ZNFX1: variants seen among roughly 807,000 people sequenced by gnomAD.
ZNFX1 encodes the protein zinc finger NFX1-type containing 1.
ZNFX1 carries 78 observed loss-of-function variants against 179.8 expected under a neutral mutation model. That is an observed-to-expected ratio of 0.43 (90% CI 0.36 to 0.52). The LOEUF is 0.52. ZNFX1 is among the 20% of genes least tolerant of loss of function. The pLI is 0.00. For missense variants in ZNFX1, 1,927 were observed against 2,386.6 expected, an observed-to-expected ratio of 0.81 and a Z score of 4.01; for synonymous variants, 848 against 868.5, an observed-to-expected ratio of 0.98 and a Z score of 0.42.
At chr20:49,266,670 C>A (rs954498458) in intron 3 of ZNFX1, among the ~76,000 whole-genome samples, 2 of 101,984 alleles carry the variant, frequency 2.0e-5, no homozygotes, top group African/African-American at 6.5e-5. Flanking sequence ...TCCCCCCCAC[C>A]CCCCCCTTTC....
chr20:49,263,103 A>C (rs1981153573), intron 6 of ZNFX1, among the ~76,000 whole-genome samples: 1 of 152,222 alleles, frequency 6.6e-6, no homozygotes, highest in African/African-American at 2.4e-5. Context: ...ACAGCCACAG[A>C]AAATTAAGTA....
intron 12 of ZNFX1, among the ~76,000 whole-genome samples, chr20:49,251,848 T>C (rs1174785839): frequency 6.6e-6 from 1 of 151,342 alleles, no homozygotes; most frequent in East Asian, 1.9e-4. Flanking sequence ...CTTTCTTTTT[T>C]TTTTTTTTTT....
In ZNFX1 at chr20:49,246,572, C is replaced by G. The variant is rs1317032741; in HGVS notation, c.*695G>C. On this transcript the variant is annotated 3_prime_UTR_variant, in exon 14 of 14. Coordinates refer to ENST00000396105, the MANE Select transcript of ZNFX1 (RefSeq NM_021035.3). ...TGAGAGTTAGTCTGCAAATTAGGGC[C>G]TGGCAATTAGAATCGGTCTGCATCA... The G allele has an allele frequency of 4.5e-6, 1 of 224,526 alleles. No individual in the cohort carries two copies. The highest frequency in any genetic ancestry group is 1.5e-4 in the East Asian group (1 of 6,844). The allele number at this position is 224,526 out of a possible 1,614,324, so 13.9% of individuals were successfully genotyped here.
At chr20:49,266,668 AC>A (rs76320074) in intron 3 of ZNFX1, among the ~76,000 whole-genome samples, 15,152 of 61,112 alleles carry the variant, frequency 0.25, 762 homozygotes, top group Middle Eastern at 0.35. Context: ...CATCCCCCCC[AC>A]CCCCCCCTTT....
In ZNFX1 at chr20:49,259,117, AAT is replaced by A. The variant is rs199893596; in HGVS notation, c.2416+1344_2416+1345del. On this transcript the variant is annotated intron_variant, in intron 7 of 13. Transcript: ENST00000396105. ...ACTGTGAGACTCAGTCTCAAAAAAA[AAT>A]AAATAAATAAATAAATAAATAAAAT... Among the ~76,000 whole-genome samples, 341 of 91,036 alleles carry A rather than the reference AAT, an allele frequency of 3.7e-3. 1 individual carries two copies. The highest frequency in any genetic ancestry group is 5.5e-3 in the East Asian group (15 of 2,750). 59.7% of individuals were successfully genotyped at this position (91,036 alleles called of 152,430 possible).
Position 49,271,475 on chromosome 20 carries a change from T to C in ZNFX1, c.337A>G (p.Arg113Gly), listed in dbSNP as rs200627658. ...TRWRNGNQDC[R>G]NRRPPWSNDN... ...TTGGACCATGGTGGTCTGCGGTTCC[T>C]ACAGTCCTGGTTGCCATTTCTCCAC... The change falls in exon 3 of 14, where the codon AGG (arginine) becomes GGG (glycine). Residue 113 changes from arginine (R) to glycine (G), a missense_variant. Physicochemically the swap from Arg to Gly is moderately radical, Grantham distance 125. Coordinates refer to ENST00000396105, the MANE Select transcript of ZNFX1 (RefSeq NM_021035.3). The C allele has an allele frequency of 1.7e-5, 27 of 1,614,108 alleles. No individual in the cohort carries two copies. In the African/African-American group the frequency reaches 3.6e-4, roughly 22 times the overall value.
At chr20:49,272,067 A>T (rs1981421740) in intron 2 of ZNFX1, among the ~76,000 whole-genome samples, 2 of 152,234 alleles carry the variant, frequency 1.3e-5, no homozygotes, top group South Asian at 4.1e-4. Context: ...ACCAAATAAC[A>T]GTCAGAACAT....
At chr20:49,258,476 G>A (rs1489886986) in intron 7 of ZNFX1, among the ~76,000 whole-genome samples, 1 of 152,078 alleles carries the variant, frequency 6.6e-6, no homozygotes, top group Non-Finnish European at 1.5e-5. Flanking sequence ...TTTTTGTTAC[G>A]TTTTACGTTA....
intron 3 of ZNFX1, among the ~76,000 whole-genome samples, chr20:49,268,347 C>T (rs760815794): frequency 6.6e-6 from 1 of 152,140 alleles, no homozygotes. Context: ...GCAGAAATCA[C>T]ACATCTCACT....
Position 49,260,469 on chromosome 20 carries a change from T to C in ZNFX1, c.2410A>G (p.Asn804Asp). Residue 804 changes from asparagine to aspartate, a missense_variant, in exon 7 of 14, where the codon AAT becomes GAT. Physicochemically the swap from Asn to Asp is conservative, Grantham distance 23. Coordinates refer to ENST00000396105, the MANE Select transcript of ZNFX1 (RefSeq NM_021035.3). The stretch of plus-strand genomic sequence containing the variant: ...GAAGACATGCACTTCTTACCTGTAT[T>C]CTCAGGTCCTGCTGGAGAAACACTT... Reference protein sequence around the residue: ...TQSVSPAGPENTAQAEGDEEE... With the variant: ...TQSVSPAGPEDTAQAEGDEEE... 6.2e-7 allele frequency: 1 copy of C among 1,610,736 alleles called. No homozygotes were observed. The highest frequency in any genetic ancestry group is 8.5e-7 in the Non-Finnish European group (1 of 1,177,556).
At position 49,266,338 on chromosome 20, in the gene ZNFX1, C is replaced by A. The variant is rs1981232438; in HGVS notation, c.1871-72G>T. On this transcript the variant is annotated intron_variant, in intron 3 of 13. Coordinates refer to ENST00000396105, the MANE Select transcript of ZNFX1 (RefSeq NM_021035.3). Reference sequence around the variant, plus strand: ...ATAAAGTAATTACTCAGAGCAAAATCTTTTTTTAAATTTAATATAATACAT... The same window carrying A: ...ATAAAGTAATTACTCAGAGCAAAATATTTTTTTAAATTTAATATAATACAT... 2.1e-6 allele frequency: 3 copies of A among 1,409,558 alleles called. No individual in the cohort carries two copies. In the Admixed American group the frequency reaches 7.4e-5, roughly 35 times the overall value. The allele number at this position is 1,409,558 out of a possible 1,614,324, so 87.3% of individuals were successfully genotyped here. A position where few individuals can be genotyped will look rare whatever the true frequency, so the allele number is the denominator to read the frequency against.
Position 49,271,041 on chromosome 20 carries a change from G to C in ZNFX1, c.771C>G (p.Val257=). Reference sequence around the variant, plus strand: ...TTTCCTGCACAGAGCTGGCAGGGAAGACACTTACAAGGTCCTGGAGGAGGG... The same window carrying C: ...TTTCCTGCACAGAGCTGGCAGGGAACACACTTACAAGGTCCTGGAGGAGGG... ...IISLLQDLVS[V]FPASSVQETS... Residue 257 remains valine, a synonymous_variant, in exon 3 of 14, where the codon GTC becomes GTG. Transcript: ENST00000396105. 1 of 1,614,164 alleles carries C rather than the reference G, an allele frequency of 6.2e-7. No homozygotes were observed. The highest frequency in any genetic ancestry group is 8.5e-7 in the Non-Finnish European group (1 of 1,180,010).
rs142531207 is a variant in ZNFX1 at position 49,270,631 on chromosome 20, C to A, written c.1181G>T (p.Ser394Ile). Reference protein sequence around the residue: ...LREGILELLQSFEDQGLRKRK... With the variant: ...LREGILELLQIFEDQGLRKRK... ...CTTCCTCAGGCCCTGGTCTTCAAAG[C>A]TTTGGAGAAGTTCCAAAATACCTTC... is the stretch of plus-strand genomic sequence containing the variant. The change falls in exon 3 of 14, where the codon AGC becomes ATC. Residue 394 changes from serine (S) to isoleucine (I), a missense_variant. By Grantham distance (142) the Ser-to-Ile change is moderately radical (BLOSUM62 -2). Transcript: ENST00000396105. This position sits in a 1 kb window ranked among gnomAD's most constrained non-coding sequence, Gnocchi z 4.6. 6.2e-7 allele frequency: 1 copy of A among 1,614,166 alleles called. No homozygotes were observed.
At chr20:49,257,377 A>G in intron 8 of ZNFX1, 40 bp downstream of exon 8, 1 of 1,609,618 alleles carries the variant, frequency 6.2e-7, no homozygotes, top group Non-Finnish European at 8.5e-7. Flanking sequence ...AGCGGTCAGA[A>G]CACTCTCAGG....
At chr20:49,263,073 C>A (rs1981152770) in intron 6 of ZNFX1, among the ~76,000 whole-genome samples, 1 of 152,032 alleles carries the variant, frequency 6.6e-6, no homozygotes, top group Non-Finnish European at 1.5e-5. Flanking sequence ...TATTATTATC[C>A]CCATTTTATA....
At chr20:49,272,992 G>C (rs1436099563) in intron 2 of ZNFX1, among the ~76,000 whole-genome samples, 1 of 125,098 alleles carries the variant, frequency 8.0e-6, no homozygotes, top group African/African-American at 2.8e-5. Flanking sequence ...AAATACGACT[G>C]TATACAATGA....
chr20:49,269,153 A>G (rs959376007), intron 3 of ZNFX1, among the ~76,000 whole-genome samples: 1 of 152,256 alleles, frequency 6.6e-6, no homozygotes, highest in African/African-American at 2.4e-5. Context: ...TGGCATATAT[A>G]CACCACGGAA....
At chr20:49,275,920 CAT>C in intron 1 of ZNFX1, 33 bp from the exon 2 acceptor site, 1 of 1,478,504 alleles carries the variant, frequency 6.8e-7, no homozygotes, top group African/African-American at 1.4e-5. Flanking sequence ...GTCCTCGAAA[CAT>C]AGCATCTAGC....
intron 5 of ZNFX1, among the ~76,000 whole-genome samples, chr20:49,264,408 C>T (rs1981188435): frequency 6.6e-6 from 1 of 152,140 alleles, no homozygotes; most frequent in African/African-American, 2.4e-5. Context: ...GGGCACATTG[C>T]TGCCCAGCTA....
Sources: gnomAD v4.1 joint callset for allele counts (sites outside exome capture counted in the v4.1 genomes callset) on GRCh38, gnomAD v4.1.1 for gene constraint, Gnocchi (gnomAD v3.1) non-coding constraint, MANE v1.5 for transcripts, NCBI Gene and HGNC (gene_info 2026-07-23, HGNC 2026-07-21) for gene names.